IL1RAPL2: variants seen among roughly 807,000 people sequenced by gnomAD.
The protein encoded by IL1RAPL2 is interleukin 1 receptor accessory protein like 2, also known as X-linked interleukin-1 receptor accessory protein-like 2.
A neutral mutation model predicts 44.1 loss-of-function variants in IL1RAPL2; 3 were observed. That is an observed-to-expected ratio of 0.07 (90% CI 0.03 to 0.18). The LOEUF (loss-of-function observed/expected upper bound fraction) is 0.18, where lower values mean the gene tolerates loss of function less well. Ranked by LOEUF, IL1RAPL2 falls within the 10% of genes least tolerant of loss-of-function variation. The pLI is 1.00. For synonymous variants in IL1RAPL2, 181 were observed against 178.8 expected, an observed-to-expected ratio of 1.01 and a Z score of -0.10; for missense variants, 391 against 496.4, an observed-to-expected ratio of 0.79 and a Z score of 2.02.
In IL1RAPL2 at chrX:105,429,011, C is replaced by T. The variant is rs934751078; in HGVS notation, c.698-55302C>T. Among the ~76,000 whole-genome samples, 87 of 111,362 alleles carry T rather than the reference C, an allele frequency of 7.8e-4. 4 individuals carry two copies. The Admixed American group carries it at 8.3e-3, about 11-fold the overall frequency. On this transcript the variant is annotated intron_variant, in intron 5 of 10. Transcript: ENST00000372582. The stretch of plus-strand genomic sequence containing the variant: ...GAAACTAAATAATATCCGGAAATAT[C>T]TTGATCTGAAGCAAAAGCCATGCCA...
intron 2 of IL1RAPL2, among the ~76,000 whole-genome samples, chrX:104,973,731 G>A (rs968482709): frequency 4.5e-5 from 5 of 111,445 alleles, no homozygotes; most frequent in Non-Finnish European, 9.4e-5. Context: ...ATTCCCTTTC[G>A]TGAACCTTAT....
intron 7 of IL1RAPL2, among the ~76,000 whole-genome samples, chrX:105,736,437 C>T (rs2038449492): frequency 9.3e-6 from 1 of 107,655 alleles, no homozygotes; most frequent in African/African-American, 3.4e-5. Flanking sequence ...AAACAGACAA[C>T]CTACAGAATG....
intron 2 of IL1RAPL2, among the ~76,000 whole-genome samples, chrX:104,746,075 A>G (rs926519465): frequency 6.2e-5 from 7 of 112,032 alleles, no homozygotes; most frequent in Non-Finnish European, 1.1e-4. Flanking sequence ...GCTGTGTTTT[A>G]TATTTTACAA....
intron 2 of IL1RAPL2, among the ~76,000 whole-genome samples, chrX:104,880,610 C>T (rs1271367569): frequency 1.8e-5 from 2 of 111,682 alleles, no homozygotes; most frequent in Non-Finnish European, 3.8e-5. Flanking sequence ...GAACCCTCTC[C>T]TAAGCAAGGA....
chrX:104,651,821 G>C (rs1271375976), intron 1 of IL1RAPL2, among the ~76,000 whole-genome samples: 3 of 111,800 alleles, frequency 2.7e-5, no homozygotes, highest in Non-Finnish European at 5.6e-5. Flanking sequence ...TCCTTTGAAA[G>C]TTCAGAGCCT....
intron 3 of IL1RAPL2, among the ~76,000 whole-genome samples, chrX:105,222,067 C>G (rs1051175266): frequency 9.0e-6 from 1 of 111,499 alleles, no homozygotes; most frequent in East Asian, 2.8e-4. Flanking sequence ...TTTGATGGAT[C>G]CTTGTGGCAC....
intron 1 of IL1RAPL2, among the ~76,000 whole-genome samples, chrX:104,645,910 A>G (rs1202858012): frequency 8.9e-6 from 1 of 112,581 alleles, no homozygotes; most frequent in Non-Finnish European, 1.9e-5. Context: ...AGATGTGCCA[A>G]TATGGTCTAG....
intron 2 of IL1RAPL2, among the ~76,000 whole-genome samples, chrX:104,723,652 T>C (rs1931730325): frequency 9.1e-6 from 1 of 110,111 alleles, no homozygotes. Flanking sequence ...CACAGAGAAA[T>C]GACAAGGAAT....
intron 2 of IL1RAPL2, among the ~76,000 whole-genome samples, chrX:104,677,225 G>A (rs1190527962): frequency 1.8e-5 from 2 of 111,578 alleles, no homozygotes; most frequent in African/African-American, 3.3e-5. Flanking sequence ...CATCTTTGTG[G>A]TTTTATATAC....
intron 5 of IL1RAPL2, among the ~76,000 whole-genome samples, chrX:105,330,521 C>T (rs747762655): frequency 9.0e-6 from 1 of 111,306 alleles, no homozygotes; most frequent in South Asian, 3.8e-4. Context: ...ATATTTACCT[C>T]TGTTATTCTA....
intron 5 of IL1RAPL2, among the ~76,000 whole-genome samples, chrX:105,322,305 A>G (rs1161560710): frequency 8.9e-6 from 1 of 112,464 alleles, no homozygotes; most frequent in Non-Finnish European, 1.9e-5. Flanking sequence ...TGTGTAATTC[A>G]TTGCCACAAA....
chrX:104,980,179 G>A (rs1206242366), intron 2 of IL1RAPL2, among the ~76,000 whole-genome samples: 1 of 111,202 alleles, frequency 9.0e-6, no homozygotes, highest in African/African-American at 3.3e-5. Context: ...AGAAGAATAT[G>A]TTTACAAGAG....
At chrX:105,295,601 A>G (rs1384858491) in intron 5 of IL1RAPL2, among the ~76,000 whole-genome samples, 2 of 112,087 alleles carry the variant, frequency 1.8e-5, no homozygotes, top group East Asian at 2.8e-4. Flanking sequence ...TTTAAGTGAA[A>G]TAGAAAATTG....
intron 2 of IL1RAPL2, among the ~76,000 whole-genome samples, chrX:104,908,672 C>A (rs750823642): frequency 1.1e-4 from 12 of 111,392 alleles, no homozygotes; most frequent in South Asian, 3.8e-4. Flanking sequence ...CTGAGAGATC[C>A]GCTGTTAGTC....
intron 2 of IL1RAPL2, among the ~76,000 whole-genome samples, chrX:105,022,828 CT>C (rs1254123919): frequency 1.8e-5 from 2 of 110,720 alleles, no homozygotes; most frequent in African/African-American, 6.5e-5. Context: ...CAGATTTTCT[CT>C]TGTGGAGAAT....
At chrX:105,086,392 CAAAT>C (rs1337297236) in intron 2 of IL1RAPL2, among the ~76,000 whole-genome samples, 3 of 111,007 alleles carry the variant, frequency 2.7e-5, no homozygotes, top group Non-Finnish European at 5.7e-5. Flanking sequence ...CACTGAATGA[CAAAT>C]AAGGCATAAT....
intron 5 of IL1RAPL2, among the ~76,000 whole-genome samples, chrX:105,279,246 A>G (rs975546204): frequency 2.7e-5 from 3 of 111,186 alleles, no homozygotes; most frequent in African/African-American, 9.8e-5. Flanking sequence ...AGAATCCTGT[A>G]AGGTATGTCA....
At chrX:104,600,908 A>G (rs1928869389) in intron 1 of IL1RAPL2, among the ~76,000 whole-genome samples, 1 of 111,633 alleles carries the variant, frequency 9.0e-6, no homozygotes, top group Non-Finnish European at 1.9e-5. Context: ...TTCTTTGTCC[A>G]GTCCACCATT....
intron 6 of IL1RAPL2, among the ~76,000 whole-genome samples, chrX:105,643,677 G>T (rs1198578989): frequency 9.0e-6 from 1 of 111,348 alleles, no homozygotes; most frequent in East Asian, 2.8e-4. Context: ...AGTGTCAGCG[G>T]CTGGGCAAGC....
Sources: gnomAD v4.1 joint callset for allele counts (sites outside exome capture counted in the v4.1 genomes callset) on GRCh38, gnomAD v4.1.1 for gene constraint, MANE v1.5 for transcripts, NCBI Gene and HGNC (gene_info 2026-07-23, HGNC 2026-07-21) for gene names.